Variants in NRG3 observed in about 807,000 individuals in gnomAD.
The protein encoded by NRG3 is neuregulin 3.
In NRG3, 31 loss-of-function variants were observed where a neutral mutation model predicts 66.9. The observed-to-expected ratio is 0.46, with a 90% CI of 0.35 to 0.63. NRG3 has a LOEUF of 0.63. NRG3 is among the 20% of genes least tolerant of loss of function. The pLI, the probability that NRG3 is intolerant of heterozygous loss-of-function variation, is 0.00. For synonymous variants in NRG3, 393 were observed against 359.4 expected, an observed-to-expected ratio of 1.09 and a Z score of -1.06; for missense variants, 910 against 878.9, an observed-to-expected ratio of 1.04 and a Z score of -0.45.
chr10:82,497,551 C>G (rs1388166872), intron 2 of NRG3, among the ~76,000 whole-genome samples: 1 of 151,988 alleles, frequency 6.6e-6, no homozygotes, highest in Admixed American at 6.6e-5. Context: ...GAATCTTCTT[C>G]TTTTTAAAAG....
intron 4 of NRG3, among the ~76,000 whole-genome samples, chr10:82,887,108 G>A (rs1423898869): frequency 6.6e-6 from 1 of 152,170 alleles, no homozygotes; most frequent in Non-Finnish European, 1.5e-5. Context: ...TCTACTCCTA[G>A]ACGCTGTCAT....
At chr10:82,855,760 A>G (rs1257118891) in intron 3 of NRG3, among the ~76,000 whole-genome samples, 1 of 152,098 alleles carries the variant, frequency 6.6e-6, no homozygotes, top group African/African-American at 2.4e-5. Flanking sequence ...AAAAAAACCC[A>G]GAACATGTGG....
chr10:82,062,460 G>T (rs2064208151), intron 1 of NRG3, among the ~76,000 whole-genome samples: 1 of 152,052 alleles, frequency 6.6e-6, no homozygotes, highest in Admixed American at 6.6e-5. Flanking sequence ...ACAAAAATTA[G>T]CTGTGCATGG....
chr10:82,741,335 G>A (rs1010874), intron 3 of NRG3, among the ~76,000 whole-genome samples: 12,915 of 152,150 alleles, frequency 0.085, 681 homozygotes, highest in Middle Eastern at 0.18. Flanking sequence ...TATAAACATG[G>A]GGATGAATTT....
intron 1 of NRG3, among the ~76,000 whole-genome samples, chr10:82,096,391 G>A (rs1370264362): frequency 2.6e-5 from 4 of 152,006 alleles, no homozygotes; most frequent in East Asian, 1.9e-4. Context: ...CAGGAGGATC[G>A]CTTGAACCTG....
At chr10:82,177,642 C>T (rs2073129270) in intron 1 of NRG3, among the ~76,000 whole-genome samples, 1 of 152,148 alleles carries the variant, frequency 6.6e-6, no homozygotes, top group Non-Finnish European at 1.5e-5. Flanking sequence ...GGAGAAATCA[C>T]AGCTCGCTGC....
intron 1 of NRG3, among the ~76,000 whole-genome samples, chr10:81,976,596 A>G (rs1360116160): frequency 3.9e-5 from 6 of 152,218 alleles, no homozygotes; most frequent in African/African-American, 1.4e-4. Context: ...TTTTTCAAAG[A>G]ACGTGACATG....
At chr10:82,822,744 C>T (rs974853451) in intron 3 of NRG3, among the ~76,000 whole-genome samples, 2 of 152,022 alleles carry the variant, frequency 1.3e-5, no homozygotes, top group Admixed American at 6.6e-5. Flanking sequence ...CAGTTCCAGT[C>T]CCCTCACTAA....
chr10:82,535,875 CAA>C (rs1009136552), intron 2 of NRG3, among the ~76,000 whole-genome samples: 1 of 149,476 alleles, frequency 6.7e-6, no homozygotes, highest in African/African-American at 2.5e-5. Flanking sequence ...TGCAACAATT[CAA>C]AATGCAAATA....
intron 1 of NRG3, among the ~76,000 whole-genome samples, chr10:82,044,515 C>T (rs1420005637): frequency 3.3e-5 from 5 of 151,926 alleles, no homozygotes; most frequent in Non-Finnish European, 7.4e-5. Context: ...GACAGCGACC[C>T]CAGCTGGAAA....
intron 3 of NRG3, among the ~76,000 whole-genome samples, chr10:82,743,798 T>C (rs898873682): frequency 6.6e-6 from 1 of 152,176 alleles, no homozygotes; most frequent in Admixed American, 6.5e-5. Flanking sequence ...ACAAGGAGAT[T>C]TTCCTGAAGA....
chr10:82,630,316 G>A (rs2049728944), intron 2 of NRG3, among the ~76,000 whole-genome samples: 1 of 150,060 alleles, frequency 6.7e-6, no homozygotes, highest in Non-Finnish European at 1.5e-5. Context: ...GTGTAACCAA[G>A]CATTTGTGGA....
At chr10:82,274,916 C>T (rs948623774) in intron 1 of NRG3, among the ~76,000 whole-genome samples, 8 of 151,904 alleles carry the variant, frequency 5.3e-5, no homozygotes, top group Admixed American at 3.9e-4. Flanking sequence ...GGGAGCTGCC[C>T]AATTCCAAAC....
chr10:82,522,398 G>A (rs758413414), intron 2 of NRG3, among the ~76,000 whole-genome samples: 65 of 152,162 alleles, frequency 4.3e-4, no homozygotes, highest in Non-Finnish European at 1.5e-4. Context: ...GAATCAACTT[G>A]CACCACAATA....
chr10:82,441,841 T>G (rs550347887), intron 2 of NRG3, among the ~76,000 whole-genome samples: 97 of 152,290 alleles, frequency 6.4e-4, no homozygotes, highest in African/African-American at 2.3e-3. Context: ...ACCAGGAGGC[T>G]CTCTTACTAA....
chr10:82,738,573 T>G lies in NRG3; in HGVS notation c.954-4T>G, dbSNP rs1166382274. The G allele has an allele frequency of 1.2e-6, 2 of 1,613,708 alleles. No individual in the cohort carries two copies. Among genetic ancestry groups the G allele is most frequent in the African/African-American group, 2.7e-5 (2 of 75,050 alleles). Reference sequence around the variant, plus strand: ...TATGTTTGTCATTTATCCCCTTTTCTCAGGTGCAAAGAAGGCTACCAAGGA... The same window carrying G: ...TATGTTTGTCATTTATCCCCTTTTCGCAGGTGCAAAGAAGGCTACCAAGGA... On this transcript the variant is annotated splice_polypyrimidine_tract_variant and splice_region_variant and intron_variant, in intron 2 of 8. Transcript: ENST00000372141.
intron 1 of NRG3, among the ~76,000 whole-genome samples, chr10:81,972,076 TG>T (rs1401278991): frequency 5.3e-5 from 8 of 152,148 alleles, no homozygotes; most frequent in Non-Finnish European, 1.2e-4. Flanking sequence ...ATCAGGACAT[TG>T]GATAGTACTC....
chr10:82,649,832 C>G (rs1239107354), intron 2 of NRG3, among the ~76,000 whole-genome samples: 2 of 152,000 alleles, frequency 1.3e-5, no homozygotes, highest in African/African-American at 4.8e-5. Flanking sequence ...AAAGTTAAGT[C>G]TCTTAGTGGT....
chr10:81,922,133 T>TA (rs1282907056), intron 1 of NRG3, among the ~76,000 whole-genome samples: 13 of 152,150 alleles, frequency 8.5e-5, no homozygotes, highest in African/African-American at 3.1e-4. Flanking sequence ...TTGAAATAGT[T>TA]AACGACTTTT....
Sources: gnomAD v4.1 joint callset for allele counts (sites outside exome capture counted in the v4.1 genomes callset) on GRCh38, gnomAD v4.1.1 for gene constraint, MANE v1.5 for transcripts, NCBI Gene and HGNC (gene_info 2026-07-23, HGNC 2026-07-21) for gene names.